Variants in PPM1H observed in about 807,000 individuals in gnomAD.
PPM1H encodes the protein protein phosphatase, Mg2+/Mn2+ dependent 1H.
PPM1H carries 27 observed loss-of-function variants against 54.9 expected under a neutral mutation model. That is an observed-to-expected ratio of 0.49 (90% confidence interval 0.36 to 0.68). PPM1H has a LOEUF of 0.68. Among genes scored for constraint, PPM1H ranks in the 30% least tolerant of loss-of-function variants. The probability of loss-of-function intolerance (pLI) is 0.00; values close to 1 mark genes in which losing one functional copy is unlikely to be tolerated. For synonymous variants in PPM1H, 305 were observed against 270.8 expected (o/e 1.13, Z -1.24); for missense variants, 596 against 667.8 (o/e 0.89, Z 1.19).
rs1459347861 is a variant in PPM1H at position 62,647,246 on chromosome 12, A to G, written c.*1243T>C. 6.6e-6 allele frequency: 1 copy of G among 152,242 alleles called. No individual in the cohort carries two copies. Among genetic ancestry groups the G allele is most frequent in the Non-Finnish European group, 1.5e-5 (1 of 68,050 alleles). 9.4% of individuals were successfully genotyped at this position (152,242 alleles called of 1,614,324 possible). ...GAGGAGCTGGGACATGATTCTTTAG[A>G]GAAGAGAAGAGACAGGGAGCACAGC... is the stretch of plus-strand genomic sequence containing the variant. On this transcript the variant is annotated 3_prime_UTR_variant, in exon 10 of 10. Coordinates refer to ENST00000228705, the MANE Select transcript of PPM1H (RefSeq NM_020700.2).
chr12:62,897,312 A>G (rs1871025599), intron 1 of PPM1H, among the ~76,000 whole-genome samples: 1 of 152,116 alleles, frequency 6.6e-6, no homozygotes, highest in Non-Finnish European at 1.5e-5. Context: ...TAAAAATCAA[A>G]TAAAATAAAA....
intron 8 of PPM1H, among the ~76,000 whole-genome samples, chr12:62,674,265 CTCATT>C (rs2075973699): frequency 6.6e-6 from 1 of 152,082 alleles, no homozygotes; most frequent in Non-Finnish European, 1.5e-5. Context: ...TTCCCAAAGT[CTCATT>C]TAAAACAGCA....
intron 4 of PPM1H, among the ~76,000 whole-genome samples, chr12:62,751,486 G>A (rs2076442570): frequency 1.3e-5 from 2 of 152,220 alleles, no homozygotes; most frequent in Non-Finnish European, 1.5e-5. Flanking sequence ...CATGCTCAGA[G>A]TGAAACAGAC....
intron 1 of PPM1H, among the ~76,000 whole-genome samples, chr12:62,864,030 C>T (rs35976740): frequency 0.012 from 1,788 of 152,336 alleles, 16 homozygotes; most frequent in Middle Eastern, 0.034. Flanking sequence ...AAGTTTAGAG[C>T]ACTGGTTCTA....
chr12:62,835,903 A>T (rs1017684173), intron 1 of PPM1H, among the ~76,000 whole-genome samples: 2 of 152,260 alleles, frequency 1.3e-5, no homozygotes, highest in African/African-American at 4.8e-5. Flanking sequence ...TGCTTTGTTA[A>T]CTATATGTGA....
At chr12:62,863,955 C>A (rs889341623) in intron 1 of PPM1H, among the ~76,000 whole-genome samples, 11 of 152,210 alleles carry the variant, frequency 7.2e-5, no homozygotes, top group African/African-American at 2.7e-4. Context: ...TCTTTTCTAG[C>A]TCCATTCATC....
chr12:62,859,904 A>G (rs1869535516), intron 1 of PPM1H, among the ~76,000 whole-genome samples: 1 of 152,226 alleles, frequency 6.6e-6, no homozygotes, highest in Admixed American at 6.5e-5. Flanking sequence ...ACAGAATTAA[A>G]AAGGAATACA....
chr12:62,687,220 C>T (rs751380878), intron 8 of PPM1H, among the ~76,000 whole-genome samples: 4 of 152,184 alleles, frequency 2.6e-5, no homozygotes, highest in African/African-American at 9.7e-5. Context: ...TAAAGCCTGG[C>T]TGTTCAATCA....
At chr12:62,886,175 C>CT (rs1870581846) in intron 1 of PPM1H, among the ~76,000 whole-genome samples, 1 of 152,136 alleles carries the variant, frequency 6.6e-6, no homozygotes. Context: ...GTCTTTGGGC[C>CT]TTTATATCTC....
At chr12:62,692,421 G>GAATACATCA (rs1258482077) in intron 7 of PPM1H, among the ~76,000 whole-genome samples, 1 of 152,146 alleles carries the variant, frequency 6.6e-6, no homozygotes, top group Admixed American at 6.5e-5. Flanking sequence ...AAACTTCCAA[G>GAATACATCA]AATACATCAT....
intron 4 of PPM1H, among the ~76,000 whole-genome samples, chr12:62,774,878 C>T (rs1349879300): frequency 1.3e-5 from 2 of 152,078 alleles, no homozygotes; most frequent in East Asian, 1.9e-4. Flanking sequence ...AAACAGGTGG[C>T]GATCCAGGTT....
At chr12:62,784,862 C>T (rs541577557) in intron 4 of PPM1H, among the ~76,000 whole-genome samples, 5 of 152,302 alleles carry the variant, frequency 3.3e-5, no homozygotes, top group South Asian at 2.1e-4. Context: ...TAGTAAGTGT[C>T]GCATAAACGA....
intron 8 of PPM1H, among the ~76,000 whole-genome samples, chr12:62,673,965 C>T (rs1011173902): frequency 2.0e-5 from 3 of 151,964 alleles, no homozygotes; most frequent in African/African-American, 7.2e-5. Context: ...GATCTGCCCA[C>T]CTTGGCCGTC....
At chr12:62,900,375 A>C (rs1592662378) in intron 1 of PPM1H, among the ~76,000 whole-genome samples, 2 of 143,788 alleles carry the variant, frequency 1.4e-5, no homozygotes, top group Admixed American at 1.4e-4. Flanking sequence ...CCTCACACAC[A>C]GGGGCCTGTT....
chr12:62,899,657 A>C (rs1220510180), intron 1 of PPM1H, among the ~76,000 whole-genome samples: 1 of 152,210 alleles, frequency 6.6e-6, no homozygotes, highest in African/African-American at 2.4e-5. Context: ...ACAGATACAC[A>C]GGCTTTATTT....
At chr12:62,765,228 C>A (rs1392201943) in intron 4 of PPM1H, among the ~76,000 whole-genome samples, 2 of 152,142 alleles carry the variant, frequency 1.3e-5, no homozygotes, top group African/African-American at 4.8e-5. Flanking sequence ...GAACTGATGT[C>A]CACGAGATGT....
At chr12:62,781,569 T>C (rs7134021) in intron 4 of PPM1H, among the ~76,000 whole-genome samples, 66,862 of 152,172 alleles carry the variant, frequency 0.44, 16,882 homozygotes, top group Non-Finnish European at 0.55. Flanking sequence ...TGAGCATGCA[T>C]TGGAGTCACC....
intron 6 of PPM1H, among the ~76,000 whole-genome samples, chr12:62,696,050 G>T (rs549873360): frequency 9.0e-4 from 137 of 152,238 alleles, no homozygotes; most frequent in African/African-American, 3.1e-3. Context: ...GAGCTAGAAG[G>T]CTAGAATTAA....
chr12:62,663,175 T>G (rs1195245123), intron 9 of PPM1H, among the ~76,000 whole-genome samples: 2 of 152,176 alleles, frequency 1.3e-5, no homozygotes, highest in Non-Finnish European at 2.9e-5. Flanking sequence ...TGTGAATATC[T>G]TCTTGCATGA....
Sources: allele counts gnomAD v4.1 joint callset (sites outside exome capture counted in the v4.1 genomes callset), GRCh38; gene constraint gnomAD v4.1.1; transcripts MANE v1.5; gene names NCBI Gene and HGNC (gene_info 2026-07-23, HGNC 2026-07-21).